Variants in TRIML2 observed in about 807,000 individuals in gnomAD.
TRIML2 encodes tripartite motif family like 2.
In TRIML2, 28 loss-of-function variants were observed where a neutral mutation model predicts 31.2. The observed-to-expected ratio is 0.90, with a 90% CI of 0.66 to 1.23. The LOEUF (loss-of-function observed/expected upper bound fraction) is 1.23. Ranked by LOEUF, TRIML2 falls within the 50% of genes most tolerant of loss-of-function variation. The pLI is 0.00. For missense variants in TRIML2, 536 were observed against 528.3 expected, an observed-to-expected ratio of 1.01 and a Z score of -0.14; for synonymous variants, 187 against 197.5, an observed-to-expected ratio of 0.95 and a Z score of 0.45.
At position 188,092,682 on chromosome 4, in the gene TRIML2, T is replaced by C. The variant is rs1490333341; in HGVS notation, c.746-741A>G. ...TCTTAAATATCCCCACAGGGTGACA[T>C]AGAGGCCTGGAAATTGCTGACAACA... On this transcript the variant is annotated intron_variant, in intron 7 of 7. Transcript: ENST00000682553. The C allele has an allele frequency of 2.8e-5, 12 of 435,688 alleles. 2 individuals are homozygous for C. Among genetic ancestry groups the C allele is most frequent in the South Asian group, 1.8e-4 (11 of 60,556 alleles). The allele number at this position is 435,688 out of a possible 1,614,324, so 27.0% of individuals were successfully genotyped here. A position where few individuals can be genotyped will look rare whatever the true frequency, so the allele number is the denominator to read the frequency against.
chr4:188,108,039 T>C (rs1734113265), intron 1 of TRIML2, among the ~76,000 whole-genome samples: 1 of 152,142 alleles, frequency 6.6e-6, no homozygotes, highest in Non-Finnish European at 1.5e-5. Flanking sequence ...GCAGTTAACA[T>C]AGCTGACCAC....
rs561235488 is a variant in TRIML2 at position 188,105,656 on chromosome 4, A to G, written c.-222-66T>C. On this transcript the variant is annotated intron_variant, in intron 1 of 7. Transcript: ENST00000682553. ...GCGGGTTTCCCTCAGGTCTTCTGAC[A>G]ATCTTGAGCAATAGGCTGAAAATTA... is the stretch of plus-strand genomic sequence containing the variant. 1.9e-4 allele frequency: 59 copies of G among 308,470 alleles called. No individual in the cohort carries two copies. In the Middle Eastern group the frequency reaches 2.9e-3, roughly 15 times the overall value. The allele number at this position is 308,470 out of a possible 1,614,324, so 19.1% of individuals were successfully genotyped here. A position where few individuals can be genotyped will look rare whatever the true frequency, so the allele number is the denominator to read the frequency against.
chr4:188,106,816 T>C, intron 1 of TRIML2: 1 of 244,592 alleles, frequency 4.1e-6, no homozygotes, highest in Non-Finnish European at 8.6e-6. Flanking sequence ...CTTGCTAAGG[T>C]GGCCAAGCGA....
At position 188,094,091 on chromosome 4, in the gene TRIML2, A is replaced by AAAAAACAAAAAC. The variant is rs750746687; in HGVS notation, c.746-2162_746-2151dup. On this transcript the variant is annotated intron_variant, in intron 7 of 7. Transcript: ENST00000682553. The stretch of plus-strand genomic sequence containing the variant: ...GGGTGACAGAGCCAGACAGCATCTC[A>AAAAAACAAAAAC]AAAAACAAAAACAAAAACAAAAACA... Among the ~76,000 whole-genome samples, 122 of 136,834 alleles carry AAAAAACAAAAAC rather than the reference A, an allele frequency of 8.9e-4. 2 individuals carry two copies. Among genetic ancestry groups the AAAAAACAAAAAC allele is most frequent in the East Asian group, 1.1e-3 (4 of 3,494 alleles). The allele number at this position is 136,834 out of a possible 152,430, so 89.8% of individuals were successfully genotyped here. A position where few individuals can be genotyped will look rare whatever the true frequency, so the allele number is the denominator to read the frequency against.
At position 188,099,133 on chromosome 4, in the gene TRIML2, C is replaced by T. The variant is rs1375805432; in HGVS notation, c.523G>A (p.Glu175Lys). Residue 175 changes from glutamate to lysine, a missense_variant, in exon 5 of 8, where the codon GAG (glutamate) becomes AAG (lysine). Transcript: ENST00000682553. ...VGRENMEKLK[E>K]SEARASEQVR... Reference sequence around the variant, plus strand: ...TGTTCAGAAGCCCTGGCTTCACTCTCCTTCAGTTTCTCCATGTTCTCTCTC... The same window carrying T: ...TGTTCAGAAGCCCTGGCTTCACTCTTCTTCAGTTTCTCCATGTTCTCTCTC... The T allele has an allele frequency of 1.2e-6, 2 of 1,613,498 alleles. No homozygotes were observed. Among genetic ancestry groups the T allele is most frequent in the Admixed American group, 1.7e-5 (1 of 59,890 alleles).
chr4:188,091,868 C>T lies in TRIML2; in HGVS notation c.819G>A (p.Leu273=). 6.2e-7 allele frequency: 1 copy of T among 1,614,112 alleles called. No homozygotes were observed. The highest frequency in any genetic ancestry group is 8.5e-7 in the Non-Finnish European group (1 of 1,180,038). Residue 273 remains leucine, a synonymous_variant, in exon 8 of 8, where the codon TTG becomes TTA. Transcript: ENST00000682553. ...ALSEDLRTMR[L]RHGQQDGAGN... is the part of the protein sequence containing the mutation. ...CAGCCCCATCCTGCTGCCCATGTCTCAATCTCATAGTTCTCAGGTCCTCAG... is the reference window on the plus strand; with the variant it reads ...CAGCCCCATCCTGCTGCCCATGTCTTAATCTCATAGTTCTCAGGTCCTCAG...
chr4:188,108,435 A>C (rs938027272), intron 1 of TRIML2, among the ~76,000 whole-genome samples: 3 of 152,148 alleles, frequency 2.0e-5, no homozygotes, highest in African/African-American at 7.2e-5. Context: ...ATTGTTTTCC[A>C]AATTTATATT....
intron 7 of TRIML2, among the ~76,000 whole-genome samples, chr4:188,096,305 C>T (rs867697302): frequency 2.6e-5 from 4 of 151,742 alleles, no homozygotes; most frequent in African/African-American, 4.8e-5. Context: ...GAGCCCAAGG[C>T]GCGTGGATCA....
intron 1 of TRIML2, among the ~76,000 whole-genome samples, chr4:188,108,185 G>C (rs1734121835): frequency 6.6e-6 from 1 of 152,070 alleles, no homozygotes; most frequent in Admixed American, 6.6e-5. Flanking sequence ...CTTCAAGGTT[G>C]AGTTCTGGTC....
chr4:188,108,911 A>C (rs13123649), intron 1 of TRIML2, among the ~76,000 whole-genome samples: 26,739 of 152,100 alleles, frequency 0.18, 2,482 homozygotes, highest in Admixed American at 0.26. Context: ...TCCATAAGAA[A>C]CTAAGTCCTT....
At chr4:188,109,049 A>G (rs1248510525) in intron 1 of TRIML2, among the ~76,000 whole-genome samples, 194 bp downstream of exon 1, 1 of 152,106 alleles carries the variant, frequency 6.6e-6, no homozygotes, top group Non-Finnish European at 1.5e-5. Flanking sequence ...TTTTACAGAA[A>G]CAGCAAAGGA....
chr4:188,096,515 T>G (rs1579170715), intron 7 of TRIML2, among the ~76,000 whole-genome samples: 1 of 72,690 alleles, frequency 1.4e-5, no homozygotes, highest in Non-Finnish European at 2.4e-5. Context: ...CTGGGCAAAG[T>G]GAAACTCTGT....
chr4:188,102,460 T>C (rs1733842025), intron 3 of TRIML2, among the ~76,000 whole-genome samples: 1 of 152,134 alleles, frequency 6.6e-6, no homozygotes, highest in South Asian at 2.1e-4. Context: ...AGTAGGAAAT[T>C]GGACATGAAG....
Position 188,091,826 on chromosome 4 carries a change from C to T in TRIML2, c.861G>A (p.Leu287=), listed in dbSNP as rs760333233. 3.7e-6 allele frequency: 6 copies of T among 1,614,066 alleles called. No homozygotes were observed. Among genetic ancestry groups the T allele is most frequent in the South Asian group, 2.2e-5 (2 of 91,090 alleles). The change falls in exon 8 of 8, where the codon TTG becomes TTA. Residue 287 remains leucine (L), a synonymous_variant. Transcript: ENST00000682553. The part of the protein sequence containing the change: ...QQDGAGNPER[L]DFSAMVLAAE... ...CAGCCAGCACCATGGCACTGAAATC[C>T]AATCTTTCTGGGTTGCCAGCCCCAT...
chr4:188,108,253 T>C (rs4862861), intron 1 of TRIML2, among the ~76,000 whole-genome samples: 126,832 of 151,938 alleles, frequency 0.83, 53,316 homozygotes, highest in African/African-American at 0.86. Flanking sequence ...TTAAGTTCCA[T>C]TCTCCGATTT....
intron 5 of TRIML2, 91 bp from the exon 6 acceptor site, chr4:188,097,437 C>A: frequency 8.4e-7 from 1 of 1,183,464 alleles, no homozygotes; most frequent in South Asian, 1.3e-5. Flanking sequence ...ACAATGAACT[C>A]AATTTCCATG....
chr4:188,098,342 A>C (rs1733621076), intron 5 of TRIML2: 1 of 404,720 alleles, frequency 2.5e-6, no homozygotes, highest in African/African-American at 2.1e-5. Flanking sequence ...CTCCAGCCTC[A>C]CAAGCTGAAG....
At chr4:188,108,626 A>G (rs1335266920) in intron 1 of TRIML2, among the ~76,000 whole-genome samples, 1 of 152,090 alleles carries the variant, frequency 6.6e-6, no homozygotes. Flanking sequence ...ATCTCTCTAT[A>G]GCTTTCCCCC....
chr4:188,091,994 A>G (rs567021674), intron 7 of TRIML2, 53 bp from the exon 8 acceptor site: 1 of 1,541,590 alleles, frequency 6.5e-7, no homozygotes, highest in Admixed American at 1.8e-5. Flanking sequence ...TGCCAATGCC[A>G]GAGACATGAT....
Sources: allele counts gnomAD v4.1 joint callset (sites outside exome capture counted in the v4.1 genomes callset), GRCh38; gene constraint gnomAD v4.1.1; transcripts MANE v1.5; gene names NCBI Gene and HGNC (gene_info 2026-07-23, HGNC 2026-07-21).